Variants in SOX5 observed in about 807,000 individuals in gnomAD.
The protein encoded by SOX5 is transcription factor SOX-5.
Under a neutral mutation model 92.0 loss-of-function variants are expected in SOX5, and 9 were observed. The ratio of observed to expected loss-of-function variants is 0.10; its 90% CI spans 0.06 to 0.17. The LOEUF is 0.17. Among genes scored for constraint, SOX5 ranks in the 10% least tolerant of loss-of-function variants. SOX5 has a pLI of 1.00. For missense variants in SOX5, 642 were observed against 944.5 expected (o/e 0.68, Z 4.20); for synonymous variants, 344 against 336.3 (o/e 1.02, Z -0.25).
At chr12:23,810,490 CAGCTG>C (rs1184345140) in intron 3 of SOX5, among the ~76,000 whole-genome samples, 2 of 152,158 alleles carry the variant, frequency 1.3e-5, no homozygotes, top group African/African-American at 2.4e-5. Context: ...GTTGTTTTAA[CAGCTG>C]AGCTGACAGG....
At chr12:23,599,674 C>A (rs1055345777) in intron 9 of SOX5, among the ~76,000 whole-genome samples, 1 of 152,144 alleles carries the variant, frequency 6.6e-6, no homozygotes, top group South Asian at 2.1e-4. Flanking sequence ...AGAACACTTA[C>A]AATGTGAAGT....
chr12:23,575,524 C>G (rs1948980297), intron 10 of SOX5, 137 bp downstream of exon 10: 3 of 703,570 alleles, frequency 4.3e-6, no homozygotes, highest in Non-Finnish European at 7.1e-6. Context: ...TAAAACGGAC[C>G]TAGGTGGTTC....
chr12:23,582,149 G>A, intron 9 of SOX5: 4 of 985,170 alleles, frequency 4.1e-6, no homozygotes, highest in Non-Finnish European at 4.8e-6. Flanking sequence ...AATGTGCACT[G>A]TTGCCGCACC....
chr12:23,722,321 A>G (rs2092863709), intron 6 of SOX5, among the ~76,000 whole-genome samples: 1 of 152,206 alleles, frequency 6.6e-6, no homozygotes, highest in African/African-American at 2.4e-5. Context: ...TTTTAAACAT[A>G]CATGCTAAAT....
At chr12:23,825,697 T>C (rs1241144602) in intron 3 of SOX5, among the ~76,000 whole-genome samples, 1 of 152,222 alleles carries the variant, frequency 6.6e-6, no homozygotes, top group Non-Finnish European at 1.5e-5. Flanking sequence ...ACTACTTTAA[T>C]TCTATGTTTT....
chr12:24,086,004 G>C (rs1337026590), intron 4 of SOX5, among the ~76,000 whole-genome samples: 1 of 151,364 alleles, frequency 6.6e-6, no homozygotes, highest in Non-Finnish European at 1.5e-5. Flanking sequence ...TATTTTACTT[G>C]GTAGTAAAAT....
chr12:24,033,119 A>C (rs974445713), intron 4 of SOX5, among the ~76,000 whole-genome samples: 2 of 151,948 alleles, frequency 1.3e-5, no homozygotes, highest in Admixed American at 6.6e-5. Flanking sequence ...CATTTAGGGA[A>C]GTAGAAAATG....
chr12:24,404,251 C>T (rs184343845), intron 1 of SOX5, among the ~76,000 whole-genome samples: 19 of 151,924 alleles, frequency 1.3e-4, no homozygotes, highest in Non-Finnish European at 2.1e-4. Context: ...AAGCCGACCA[C>T]ACACACACAC....
chr12:23,716,892 C>T (rs1027599441), intron 6 of SOX5, among the ~76,000 whole-genome samples: 2 of 152,166 alleles, frequency 1.3e-5, no homozygotes, highest in African/African-American at 2.4e-5. Context: ...AAAATACCAT[C>T]ATTCTTCCCA....
chr12:24,473,847 ATT>A (rs1220673437), intron 1 of SOX5, among the ~76,000 whole-genome samples: 1 of 152,162 alleles, frequency 6.6e-6, no homozygotes, highest in East Asian at 1.9e-4. Context: ...TTTTCATGTG[ATT>A]TTGATGTTAA....
chr12:23,538,013 T>C (rs1940984512), intron 13 of SOX5, among the ~76,000 whole-genome samples: 1 of 151,934 alleles, frequency 6.6e-6, no homozygotes, highest in South Asian at 2.1e-4. Flanking sequence ...CAAATAGTCA[T>C]CTCAACTCAA....
intron 4 of SOX5, among the ~76,000 whole-genome samples, chr12:24,143,220 C>T (rs558696968): frequency 6.6e-6 from 1 of 152,138 alleles, no homozygotes; most frequent in South Asian, 2.1e-4. Context: ...GTCACTGAGT[C>T]CAGGAACAAA....
intron 3 of SOX5, among the ~76,000 whole-genome samples, chr12:23,782,034 A>G (rs1335976354): frequency 6.6e-6 from 1 of 152,072 alleles, no homozygotes; most frequent in Non-Finnish European, 1.5e-5. Flanking sequence ...AAAATTCCAT[A>G]GCATTACACT....
intron 2 of SOX5, among the ~76,000 whole-genome samples, chr12:23,874,824 T>C (rs1407748111): frequency 2.0e-5 from 3 of 152,160 alleles, no homozygotes; most frequent in African/African-American, 4.8e-5. Flanking sequence ...CCACGACAGA[T>C]GCTACCTACA....
intron 1 of SOX5, among the ~76,000 whole-genome samples, chr12:23,946,703 C>A (rs1286216145): frequency 6.6e-6 from 1 of 151,870 alleles, no homozygotes; most frequent in Non-Finnish European, 1.5e-5. Flanking sequence ...ATGTTGCCAG[C>A]TATGTTTCCT....
intron 2 of SOX5, among the ~76,000 whole-genome samples, chr12:24,317,493 T>A (rs2140872741): frequency 6.6e-6 from 1 of 152,338 alleles, no homozygotes; most frequent in Admixed American, 6.5e-5. Context: ...ATTTAAGATT[T>A]TCGTTTCTAT....
At chr12:23,599,350 C>T (rs1327621054) in intron 9 of SOX5, among the ~76,000 whole-genome samples, 2 of 152,218 alleles carry the variant, frequency 1.3e-5, no homozygotes, top group African/African-American at 4.8e-5. Context: ...CCTTGTCATA[C>T]TCCCAGGTGC....
At chr12:24,396,683 G>A (rs1960084052) in intron 1 of SOX5, among the ~76,000 whole-genome samples, 1 of 152,228 alleles carries the variant, frequency 6.6e-6, no homozygotes, top group South Asian at 2.1e-4. Flanking sequence ...CCCTGGATGT[G>A]TCTTTGCAAT....
intron 8 of SOX5, among the ~76,000 whole-genome samples, chr12:23,614,883 C>T: frequency 6.6e-6 from 1 of 152,208 alleles, no homozygotes; most frequent in East Asian, 1.9e-4. Context: ...CTCACTGCAA[C>T]CTCCGCCTCC....
Sources: gnomAD v4.1 joint callset for allele counts (sites outside exome capture counted in the v4.1 genomes callset) on GRCh38, gnomAD v4.1.1 for gene constraint, MANE v1.5 for transcripts, NCBI Gene and HGNC (gene_info 2026-07-23, HGNC 2026-07-21) for gene names.